Variants in NRXN3 observed in about 807,000 individuals in gnomAD.
The protein encoded by NRXN3 is neurexin 3.
A neutral mutation model predicts 137.6 loss-of-function variants in NRXN3; 32 were observed. That is an observed-to-expected ratio of 0.23 (90% CI 0.18 to 0.31). NRXN3 has a LOEUF of 0.31. Among genes scored for constraint, NRXN3 ranks in the 10% least tolerant of loss-of-function variants. NRXN3 has a pLI of 1.00. For synonymous variants in NRXN3, 798 were observed against 784.5 expected, an observed-to-expected ratio of 1.02 and a Z score of -0.29; for missense variants, 1,574 against 2,062.5, an observed-to-expected ratio of 0.76 and a Z score of 4.59.
chr14:79,166,537 G>C (rs762471919), intron 15 of NRXN3, among the ~76,000 whole-genome samples: 4 of 149,856 alleles, frequency 2.7e-5, no homozygotes, highest in Non-Finnish European at 5.9e-5. Flanking sequence ...CTCATTTTTT[G>C]TTTAATTTTG....
intron 2 of NRXN3, among the ~76,000 whole-genome samples, chr14:78,260,867 T>C (rs544906512): frequency 9.2e-5 from 14 of 152,336 alleles, no homozygotes; most frequent in African/African-American, 3.4e-4. Flanking sequence ...AGTCTTATGA[T>C]TTATTCCTTC....
intron 4 of NRXN3, chr14:78,403,958 T>C (rs1287340390): frequency 1.1e-5 from 10 of 876,446 alleles, no homozygotes; most frequent in Non-Finnish European, 1.4e-5. Flanking sequence ...TTGCCTTACA[T>C]TGGATGTATT....
chr14:79,132,985 A>G (rs937056466), intron 15 of NRXN3, among the ~76,000 whole-genome samples: 6 of 152,196 alleles, frequency 3.9e-5, no homozygotes, highest in African/African-American at 1.4e-4. Flanking sequence ...TGGGAAGAGC[A>G]TGATCTTAGG....
At chr14:78,377,382 A>G (rs2088079935) in intron 4 of NRXN3, among the ~76,000 whole-genome samples, 2 of 152,232 alleles carry the variant, frequency 1.3e-5, no homozygotes, top group South Asian at 2.1e-4. Context: ...CATGTACAAA[A>G]TACAGAGTTG....
chr14:79,857,261 G>A (rs1014916135), intron 20 of NRXN3, among the ~76,000 whole-genome samples: 20 of 152,044 alleles, frequency 1.3e-4, no homozygotes, highest in African/African-American at 3.6e-4. Context: ...TCGCTCTGTC[G>A]CCCAGGCTGG....
intron 15 of NRXN3, among the ~76,000 whole-genome samples, chr14:79,382,779 T>C (rs1247230301): frequency 2.0e-5 from 3 of 152,048 alleles, no homozygotes; most frequent in African/African-American, 2.4e-5. Context: ...TGTTTTACCA[T>C]CAAAAAAATA....
chr14:78,320,609 A>G (rs2079209708), intron 4 of NRXN3, among the ~76,000 whole-genome samples: 1 of 152,196 alleles, frequency 6.6e-6, no homozygotes, highest in African/African-American at 2.4e-5. Flanking sequence ...TTTTAATCCC[A>G]TTATTTCCCA....
chr14:79,238,801 A>G (rs1202655582), intron 15 of NRXN3, among the ~76,000 whole-genome samples: 1 of 152,156 alleles, frequency 6.6e-6, no homozygotes, highest in Non-Finnish European at 1.5e-5. Context: ...TGTAATTTGG[A>G]GAACTGGGTG....
chr14:78,452,218 C>T (rs931758293), intron 4 of NRXN3, among the ~76,000 whole-genome samples: 1 of 152,146 alleles, frequency 6.6e-6, no homozygotes, highest in African/African-American at 2.4e-5. Flanking sequence ...GGTTACTTGG[C>T]TCAAGTCTCA....
chr14:79,653,287 G>T (rs1417921871), intron 16 of NRXN3, among the ~76,000 whole-genome samples: 1 of 152,102 alleles, frequency 6.6e-6, no homozygotes. Flanking sequence ...TGGAGACTGA[G>T]ATATTCATTG....
chr14:79,429,922 A>C (rs1001889165), intron 15 of NRXN3, among the ~76,000 whole-genome samples: 2 of 152,160 alleles, frequency 1.3e-5, no homozygotes, highest in Non-Finnish European at 2.9e-5. Flanking sequence ...AATTAAGGCT[A>C]CAATGCATTC....
chr14:79,171,700 C>T (rs1026403096), intron 15 of NRXN3, among the ~76,000 whole-genome samples: 7 of 152,116 alleles, frequency 4.6e-5, no homozygotes, highest in Non-Finnish European at 8.8e-5. Flanking sequence ...CTTCTACCTT[C>T]CTCCTTTTTG....
chr14:78,815,771 C>T (rs2098931079), intron 10 of NRXN3, among the ~76,000 whole-genome samples: 1 of 152,182 alleles, frequency 6.6e-6, no homozygotes, highest in Non-Finnish European at 1.5e-5. Context: ...AACTCAGAAA[C>T]TCTTGCCTCA....
intron 16 of NRXN3, among the ~76,000 whole-genome samples, chr14:79,627,742 GTAAC>G (rs1567708375): frequency 6.6e-6 from 1 of 152,092 alleles, no homozygotes; most frequent in Non-Finnish European, 1.5e-5. Context: ...TCAGATGATG[GTAAC>G]TAACTCATGA....
At chr14:78,224,927 C>T (rs1355616842) in intron 1 of NRXN3, among the ~76,000 whole-genome samples, 18 of 146,282 alleles carry the variant, frequency 1.2e-4, no homozygotes, top group South Asian at 1.1e-3. Context: ...CCACCGTGCC[C>T]GGCTAATTTT....
chr14:79,711,507 A>C (rs1423287450), intron 19 of NRXN3, among the ~76,000 whole-genome samples: 1 of 151,424 alleles, frequency 6.6e-6, no homozygotes, highest in Non-Finnish European at 1.5e-5. Flanking sequence ...ATTTATAGAG[A>C]TGAGGTCTTA....
At chr14:78,289,774 C>T (rs545480069) in intron 3 of NRXN3, among the ~76,000 whole-genome samples, 4 of 152,154 alleles carry the variant, frequency 2.6e-5, no homozygotes, top group African/African-American at 9.6e-5. Flanking sequence ...ATTAGCTGGG[C>T]GTGGTGGCAG....
intron 16 of NRXN3, among the ~76,000 whole-genome samples, chr14:79,586,261 A>C (rs1278566403): frequency 6.6e-6 from 1 of 152,240 alleles, no homozygotes; most frequent in Non-Finnish European, 1.5e-5. Flanking sequence ...TAAAGCTCAC[A>C]CTTTTTATAT....
At chr14:78,987,262 G>A (rs1272083994) in intron 14 of NRXN3, among the ~76,000 whole-genome samples, 1 of 152,048 alleles carries the variant, frequency 6.6e-6, no homozygotes, top group Admixed American at 6.6e-5. Flanking sequence ...AGAACCACTG[G>A]TATAGTCCAC....
Sources: allele counts gnomAD v4.1 joint callset (sites outside exome capture counted in the v4.1 genomes callset), GRCh38; gene constraint gnomAD v4.1.1; transcripts MANE v1.5; gene names NCBI Gene and HGNC (gene_info 2026-07-23, HGNC 2026-07-21).